SMIM7: variants seen among roughly 807,000 people sequenced by gnomAD.
SMIM7 encodes the protein small integral membrane protein 7, also known as UPF0608 protein C19orf42.
Under a neutral mutation model 13.3 loss-of-function variants are expected in SMIM7, and 12 were observed. The ratio of observed to expected loss-of-function variants is 0.90; its 90% CI spans 0.58 to 1.46. SMIM7 has a LOEUF of 1.46. Ranked by LOEUF, SMIM7 falls within the 40% of genes most tolerant of loss-of-function variation. The pLI is 0.00. For synonymous variants in SMIM7, 36 were observed against 35.8 expected, an observed-to-expected ratio of 1.01 and a Z score of -0.02; for missense variants, 114 against 94.8, an observed-to-expected ratio of 1.20 and a Z score of -0.84.
chr19:16,655,272 C>T, intron 3 of SMIM7: 1 of 455,666 alleles, frequency 2.2e-6, no homozygotes, highest in Non-Finnish European at 4.4e-6. Flanking sequence ...ACAGAAACCC[C>T]TCCGAGGGAA....
intron 4 of SMIM7, among the ~76,000 whole-genome samples, chr19:16,639,284 G>A (rs751596250): frequency 5.9e-5 from 9 of 152,020 alleles, no homozygotes; most frequent in South Asian, 2.1e-4. Flanking sequence ...CACCTCGCCC[G>A]GCTAATTTTT....
chr19:16,648,058 G>A (rs1257055758), intron 4 of SMIM7, among the ~76,000 whole-genome samples: 1 of 152,066 alleles, frequency 6.6e-6, no homozygotes, highest in Non-Finnish European at 1.5e-5. Flanking sequence ...TTGTAACCTT[G>A]GGTTACACAA....
chr19:16,659,367 G>A, intron 3 of SMIM7, 28 bp downstream of exon 3: 2 of 1,608,214 alleles, frequency 1.2e-6, no homozygotes, highest in Non-Finnish European at 8.5e-7. Flanking sequence ...AGTGGACCAT[G>A]CAATTCCAGG....
At position 16,646,512 on chromosome 19, in the gene SMIM7, T is replaced by C. The variant is rs1184639287; in HGVS notation, c.*734A>G. On this transcript the variant is annotated 3_prime_UTR_variant, in exon 5 of 5. Transcript: ENST00000487416. The stretch of plus-strand genomic sequence containing the variant: ...CTCAGAAACCCAAGGTTTTAGAACA[T>C]GGTCCCAATGTACCACATCATAAAA... The C allele has an allele frequency of 6.5e-6, 1 of 154,216 alleles. No homozygotes were observed. Among genetic ancestry groups the C allele is most frequent in the Non-Finnish European group, 1.5e-5 (1 of 68,202 alleles). The allele number at this position is 154,216 out of a possible 1,614,324, so 9.6% of individuals were successfully genotyped here. A position where few individuals can be genotyped will look rare whatever the true frequency, so the allele number is the denominator to read the frequency against.
In SMIM7 at chr19:16,649,146, C is replaced by T. The variant is rs10421893; in HGVS notation, c.213-1885G>A. Among the ~76,000 whole-genome samples the T allele has an allele frequency of 6.0e-3, 918 of 152,200 alleles. 12 individuals are homozygous for T. The highest frequency in any genetic ancestry group is 0.021 in the African/African-American group (870 of 41,516). ...GGCTGCAGGTAGGAATGTAAAATGT[C>T]GTAGCTACTTTGGAAAACACTCTGG... On this transcript the variant is annotated intron_variant, in intron 4 of 4. Transcript: ENST00000487416.
chr19:16,659,449 T>A lies in SMIM7; in HGVS notation c.69-2A>T. Reference sequence around the variant, plus strand: ...AAGCCCTGCGTGTCCTTCTTTTTCCTACAAAGAGGAGCAGACAGTGTCCAC... The same window carrying A: ...AAGCCCTGCGTGTCCTTCTTTTTCCAACAAAGAGGAGCAGACAGTGTCCAC... On this transcript the variant is annotated splice_acceptor_variant, in intron 2 of 4. Transcript: ENST00000487416. LOFTEE classifies it high-confidence loss of function. 1 of 1,612,866 alleles carries A rather than the reference T, an allele frequency of 6.2e-7. No homozygotes were observed. The highest frequency in any genetic ancestry group is 8.5e-7 in the Non-Finnish European group (1 of 1,179,602).
intron 3 of SMIM7, among the ~76,000 whole-genome samples, chr19:16,658,908 G>A (rs929665774): frequency 1.3e-5 from 2 of 152,002 alleles, no homozygotes; most frequent in Non-Finnish European, 2.9e-5. Context: ...GCTCACATCA[G>A]GGAGGTCTGG....
At chr19:16,643,299 G>GAA (rs2086418039), downstream of SMIM7, among the ~76,000 whole-genome samples, 1 of 152,158 alleles carries the variant, frequency 6.6e-6, no homozygotes, top group Non-Finnish European at 1.5e-5. Flanking sequence ...TATGTACCTA[G>GAA]GGTGATGGTC....
chr19:16,645,744 C>T (rs2086443029), downstream of SMIM7: 1 of 151,224 alleles, frequency 6.6e-6, no homozygotes, highest in Non-Finnish European at 1.5e-5. Flanking sequence ...TCACTGCAAC[C>T]TCCGCCTCCC....
intron 4 of SMIM7, chr19:16,652,945 G>C: frequency 1.3e-6 from 2 of 1,550,556 alleles, no homozygotes; most frequent in Middle Eastern, 1.7e-4. Context: ...AAGGCAATCT[G>C]CTTGAGTTTT....
chr19:16,653,035 T>C (rs551959766), intron 4 of SMIM7: 2 of 1,503,338 alleles, frequency 1.3e-6, no homozygotes, highest in East Asian at 2.5e-5. Flanking sequence ...CCAGCCCAGG[T>C]GGAGCAGGAT....
intron 2 of SMIM7, 36 bp from the exon 3 acceptor site, chr19:16,659,483 G>T: frequency 5.0e-6 from 8 of 1,600,450 alleles, no homozygotes; most frequent in Non-Finnish European, 6.8e-6. Context: ...ACTTTCAATG[G>T]GACATAGAGT....
At chr19:16,639,664 T>C (rs1180117709) in intron 4 of SMIM7, among the ~76,000 whole-genome samples, 4 of 152,134 alleles carry the variant, frequency 2.6e-5, no homozygotes, top group African/African-American at 9.7e-5. Context: ...ATAATCCCCA[T>C]GTGTGGTGGC....
At chr19:16,655,752 C>G (rs1429570223) in intron 3 of SMIM7, among the ~76,000 whole-genome samples, 4 of 147,832 alleles carry the variant, frequency 2.7e-5, no homozygotes, top group African/African-American at 1.0e-4. Context: ...CCCGAAGTAT[C>G]TGCAGACTGG....
intron 4 of SMIM7, chr19:16,638,747 A>T (rs1004017856): frequency 6.6e-6 from 1 of 152,274 alleles, no homozygotes; most frequent in African/African-American, 2.4e-5. Context: ...AATAAAAGCA[A>T]CAACATTAAT....
intron 4 of SMIM7, chr19:16,634,645 GT>G (rs1330703973): frequency 8.5e-5 from 13 of 152,108 alleles, no homozygotes; most frequent in African/African-American, 2.7e-4. Context: ...AGGTGTGGTG[GT>G]GGATGCCTGG....
intron 4 of SMIM7, among the ~76,000 whole-genome samples, chr19:16,635,598 G>C (rs1175687497): frequency 2.0e-5 from 3 of 152,008 alleles, no homozygotes; most frequent in Non-Finnish European, 2.9e-5. Context: ...CATCAAGAGA[G>C]TAGCCAGGTG....
At chr19:16,659,795 G>A (rs1476622235) in intron 2 of SMIM7, 164 bp downstream of exon 2, 1 of 873,928 alleles carries the variant, frequency 1.1e-6, no homozygotes, top group Admixed American at 2.2e-5. Flanking sequence ...CTCGGGGGGT[G>A]GGGGGCGAGG....
intron 3 of SMIM7, among the ~76,000 whole-genome samples, chr19:16,656,882 G>A (rs2086603024): frequency 6.6e-6 from 1 of 151,584 alleles, no homozygotes; most frequent in South Asian, 2.1e-4. Flanking sequence ...CTGGGCAACA[G>A]AGAGAGGCTC....
Sources: gnomAD v4.1 joint callset for allele counts (sites outside exome capture counted in the v4.1 genomes callset) on GRCh38, gnomAD v4.1.1 for gene constraint, MANE v1.5 for transcripts, NCBI Gene and HGNC (gene_info 2026-07-23, HGNC 2026-07-21) for gene names.